Variants in PRAG1 observed in about 807,000 individuals in gnomAD.
The protein encoded by PRAG1 is PEAK1 related, kinase-activating pseudokinase 1, also known as inactive tyrosine-protein kinase PRAG1.
A neutral mutation model predicts 95.6 loss-of-function variants in PRAG1; 110 were observed. That is an observed-to-expected ratio of 1.15 (90% CI 0.99 to 1.35). The LOEUF (loss-of-function observed/expected upper bound fraction) is 1.35, where lower values mean the gene tolerates loss of function less well. PRAG1 is among the 40% of genes most tolerant of loss of function. The probability of loss-of-function intolerance (pLI) is 0.00; values close to 1 mark genes in which losing one functional copy is unlikely to be tolerated. For missense variants in PRAG1, 2,554 were observed against 1,864.7 expected (o/e 1.37, Z -6.81); for synonymous variants, 1,052 against 819.4 (o/e 1.28, Z -4.85).
At chr8:8,321,699 T>G (rs1798476512) in intron 5 of PRAG1, among the ~76,000 whole-genome samples, 1 of 152,198 alleles carries the variant, frequency 6.6e-6, no homozygotes, top group Non-Finnish European at 1.5e-5. Context: ...TGCTCAGGAC[T>G]ATACAACCGA....
chr8:8,367,625 T>C (rs542908413), intron 3 of PRAG1, among the ~76,000 whole-genome samples: 36 of 152,132 alleles, frequency 2.4e-4, no homozygotes, highest in South Asian at 6.2e-4. Flanking sequence ...TCAACTGTTC[T>C]TGTATGTATC....
At chr8:8,340,190 G>T (rs1799118694) in intron 3 of PRAG1, among the ~76,000 whole-genome samples, 2 of 152,188 alleles carry the variant, frequency 1.3e-5, no homozygotes, top group South Asian at 4.1e-4. Context: ...CCAGTGACAT[G>T]CTTAGATAGA....
chr8:8,339,625 T>A lies in PRAG1; in HGVS notation c.2173A>T (p.Lys725Ter). The stretch of plus-strand genomic sequence containing the variant: ...AAATCAGAGCTGCTCTTGTTCATTT[T>A]TAGAAGGTGCCTGGAAAAGGTAGGA... Reference protein sequence around the residue: ...PPPPKSRHLLKMNKSSSDLEK... With the variant: ...PPPPKSRHLL The change falls in exon 4 of 6, where the codon AAA (lysine) becomes TAA (stop). Residue 725 changes from lysine to a stop codon, truncating the protein, a stop_gained. Coordinates refer to ENST00000615670, the MANE Select transcript of PRAG1 (RefSeq NM_001080826.3). LOFTEE classifies it high-confidence loss of function. 1.9e-6 allele frequency: 3 copies of A among 1,611,620 alleles called. No homozygotes were observed. Among genetic ancestry groups the A allele is most frequent in the Non-Finnish European group, 2.5e-6 (3 of 1,177,890 alleles).
chr8:8,367,908 T>C (rs1800063942), intron 3 of PRAG1, among the ~76,000 whole-genome samples: 1 of 152,184 alleles, frequency 6.6e-6, no homozygotes, highest in African/African-American at 2.4e-5. Flanking sequence ...CCCAAAATGC[T>C]GGGATTACAG....
chr8:8,329,970 A>G (rs143301817), intron 4 of PRAG1, among the ~76,000 whole-genome samples: 8 of 152,336 alleles, frequency 5.3e-5, no homozygotes, highest in Non-Finnish European at 1.2e-4. Flanking sequence ...TGAACACAGG[A>G]GCTGAGAACC....
rs555749160 is a variant in PRAG1, at chr8:8,337,145, G to A, written c.2320+2333C>T. ...TAGAAGAGTCTAATGGTATCTTTTG[G>A]CTTAATGTATAATATTAGAAAGGCA... On this transcript the variant is annotated intron_variant, in intron 4 of 5. Transcript: ENST00000615670. Among the ~76,000 whole-genome samples, 44 of 152,222 alleles carry A rather than the reference G, an allele frequency of 2.9e-4. 1 individual carries two copies. In the Middle Eastern group the frequency reaches 0.024, roughly 82 times the overall value.
At chr8:8,351,857 A>C (rs1799533013) in intron 3 of PRAG1, among the ~76,000 whole-genome samples, 2 of 152,092 alleles carry the variant, frequency 1.3e-5, no homozygotes, top group Non-Finnish European at 2.9e-5. Context: ...CCATCTCCTC[A>C]TCCCCCAGCA....
At chr8:8,361,408 C>G (rs572864211) in intron 3 of PRAG1, among the ~76,000 whole-genome samples, 2 of 152,010 alleles carry the variant, frequency 1.3e-5, no homozygotes, top group African/African-American at 4.8e-5. Flanking sequence ...GGATCGGGTC[C>G]GGAAGGGGGT....
At chr8:8,383,942 T>C (rs893978161) in intron 1 of PRAG1, among the ~76,000 whole-genome samples, 2 of 152,212 alleles carry the variant, frequency 1.3e-5, no homozygotes, top group African/African-American at 4.8e-5. Flanking sequence ...GGTCCCTTCC[T>C]GGGACGCTGA....
At chr8:8,329,117 G>A (rs1230369335) in intron 4 of PRAG1, among the ~76,000 whole-genome samples, 2 of 152,160 alleles carry the variant, frequency 1.3e-5, no homozygotes, top group Admixed American at 6.6e-5. Context: ...TTTTGGCTGG[G>A]TGCGGCGGCT....
intron 3 of PRAG1, among the ~76,000 whole-genome samples, chr8:8,362,436 G>A (rs115588375): frequency 0.015 from 2,285 of 152,282 alleles, 47 homozygotes; most frequent in African/African-American, 0.053. Flanking sequence ...CCACAGCAGT[G>A]CAAGCCTGTC....
Position 8,328,049 on chromosome 8 carries a change from C to CTGA in PRAG1, c.2732_2733insTCA (p.Leu910_Gln911insHis), listed in dbSNP as rs1563228316. Reference sequence around the variant, plus strand: ...ATGAGGCGGAGGGGGCCCCTTTGCACTGGAGGCCAGGGCTCCCGCAGCCGC... The same window carrying CTGA: ...ATGAGGCGGAGGGGGCCCCTTTGCACTGATGGAGGCCAGGGCTCCCGCAGCCGC... On this transcript the variant is annotated inframe_insertion, in exon 5 of 6. Coordinates refer to ENST00000615670, the MANE Select transcript of PRAG1 (RefSeq NM_001080826.3). 1 of 1,591,056 alleles carries CTGA rather than the reference C, an allele frequency of 6.3e-7. No homozygotes were observed. The highest frequency in any genetic ancestry group is 1.3e-5 in the African/African-American group (1 of 74,422).
At chr8:8,375,585 A>G (rs1206090979) in intron 3 of PRAG1, among the ~76,000 whole-genome samples, 5 of 152,178 alleles carry the variant, frequency 3.3e-5, no homozygotes, top group Admixed American at 1.3e-4. Flanking sequence ...CCAAGACCTA[A>G]TCACCATTGT....
At chr8:8,376,118 A>C in intron 3 of PRAG1, 129 bp downstream of exon 3, 1 of 1,297,122 alleles carries the variant, frequency 7.7e-7, no homozygotes, top group Non-Finnish European at 1.1e-6. Context: ...TGGGAAATTT[A>C]CATAAAGGCA....
At position 8,377,274 on chromosome 8, in the gene PRAG1, C is replaced by A. The variant is rs1256278128; in HGVS notation, c.1135G>T (p.Asp379Tyr). The A allele has an allele frequency of 1.2e-6, 2 of 1,612,880 alleles. No homozygotes were observed. The highest frequency in any genetic ancestry group is 1.7e-6 in the Non-Finnish European group (2 of 1,179,964). The part of the protein sequence containing the change: ...MKEPAPEKQQ[D>Y]PGCPGVTPSR... The stretch of plus-strand genomic sequence containing the variant: ...GGGGTCACCCCTGGGCAGCCAGGGT[C>A]CTGCTGCTTCTCTGGGGCAGGTTCC... The change falls in exon 3 of 6, where the codon GAC becomes TAC. Residue 379 changes from aspartate (D) to tyrosine (Y), a missense_variant. Transcript: ENST00000615670.
At chr8:8,336,184 T>C (rs1313649072) in intron 4 of PRAG1, among the ~76,000 whole-genome samples, 1 of 152,220 alleles carries the variant, frequency 6.6e-6, no homozygotes, top group East Asian at 1.9e-4. Flanking sequence ...TAATCTTCTC[T>C]AATCTCCAGG....
chr8:8,339,854 G>T (rs183715370), intron 3 of PRAG1, among the ~76,000 whole-genome samples: 2 of 152,144 alleles, frequency 1.3e-5, no homozygotes, highest in Non-Finnish European at 2.9e-5. Flanking sequence ...TAGGAGAAGC[G>T]AGTCTATTAA....
chr8:8,384,343 G>A (rs896373449), intron 1 of PRAG1, among the ~76,000 whole-genome samples: 2 of 152,052 alleles, frequency 1.3e-5, no homozygotes, highest in South Asian at 2.1e-4. Flanking sequence ...GATTGCTAGC[G>A]TGGGGGAAGT....
At chr8:8,339,072 G>T (rs1799081210) in intron 4 of PRAG1, among the ~76,000 whole-genome samples, 1 of 152,090 alleles carries the variant, frequency 6.6e-6, no homozygotes. Context: ...GTGTGTACAT[G>T]TGGGTACATG....
Sources: allele counts gnomAD v4.1 joint callset (sites outside exome capture counted in the v4.1 genomes callset), GRCh38; gene constraint gnomAD v4.1.1; transcripts MANE v1.5; gene names NCBI Gene and HGNC (gene_info 2026-07-23, HGNC 2026-07-21).